EXPH5: variants seen among roughly 807,000 people sequenced by gnomAD.
The protein encoded by EXPH5 is exophilin-5.
Under a neutral mutation model 41.1 loss-of-function variants are expected in EXPH5, and 42 were observed. That is an observed-to-expected ratio of 1.02 (90% CI 0.80 to 1.32). The LOEUF is 1.32. Ranked by LOEUF, EXPH5 falls within the 40% of genes most tolerant of loss-of-function variation. The pLI is 0.00. For missense variants in EXPH5, 2,298 were observed against 2,314.5 expected (o/e 0.99, Z 0.15); for synonymous variants, 798 against 833.5 (o/e 0.96, Z 0.73).
intron 3 of EXPH5, among the ~76,000 whole-genome samples, chr11:108,533,376 C>A (rs2093856579): frequency 6.6e-6 from 1 of 151,998 alleles, no homozygotes; most frequent in African/African-American, 2.4e-5. Flanking sequence ...GCTAATTTTT[C>A]TAATTTTTAG....
In EXPH5 at chr11:108,511,650, G is replaced by A; in HGVS notation, c.3857C>T (p.Thr1286Ile). 6.2e-7 allele frequency: 1 copy of A among 1,608,096 alleles called. No homozygotes were observed. Among genetic ancestry groups the A allele is most frequent in the Non-Finnish European group, 8.5e-7 (1 of 1,178,412 alleles). The change falls in exon 6 of 6, where the codon ACT becomes ATT. Residue 1286 changes from threonine to isoleucine, a missense_variant. By Grantham distance (89) the Thr-to-Ile change is moderately conservative (BLOSUM62 -1). Coordinates refer to ENST00000265843, the MANE Select transcript of EXPH5 (RefSeq NM_015065.3). ...NLLIESPQVETETFPNALEKD... is the reference protein window; with the variant it reads ...NLLIESPQVEIETFPNALEKD... ...TTCTAAAGCGTTAGGAAATGTTTCA[G>A]TCTCCACTTGAGGTGATTCTATAAG...
intron 1 of EXPH5, among the ~76,000 whole-genome samples, chr11:108,587,907 CAAG>C (rs2094118169): frequency 6.6e-6 from 1 of 152,102 alleles, no homozygotes; most frequent in Admixed American, 6.5e-5. Context: ...TGCCAGCCAC[CAAG>C]CCTGGCTAAT....
In EXPH5 at chr11:108,588,477, A is replaced by G. The variant is rs184588152; in HGVS notation, c.119+4941T>C. 3.9e-5 allele frequency among the ~76,000 whole-genome samples: 6 copies of G among 152,332 alleles called. No individual in the cohort carries two copies. The East Asian group carries it at 1.2e-3, about 29-fold the overall frequency. On this transcript the variant is annotated intron_variant, in intron 1 of 5. Transcript: ENST00000265843. ...AGGCAGCACAGCACAGTGATTATGT[A>G]CAGATGGAGTTCCCAAATCGGACAC...
intron 3 of EXPH5, among the ~76,000 whole-genome samples, chr11:108,536,188 G>A (rs2093878411): frequency 6.6e-6 from 1 of 152,074 alleles, no homozygotes; most frequent in South Asian, 2.1e-4. Context: ...TTTACAAATA[G>A]GATTAAAATC....
At chr11:108,575,587 G>A (rs1323602706) in intron 1 of EXPH5, among the ~76,000 whole-genome samples, 1 of 152,190 alleles carries the variant, frequency 6.6e-6, no homozygotes, top group African/African-American at 2.4e-5. Context: ...CAAAAGTTAT[G>A]TTGACCCTGA....
At chr11:108,522,751 C>G (rs1271014669) in intron 4 of EXPH5, among the ~76,000 whole-genome samples, 1 of 152,178 alleles carries the variant, frequency 6.6e-6, no homozygotes, top group Non-Finnish European at 1.5e-5. Context: ...GTTTTGGACT[C>G]AGAAGCCCCT....
chr11:108,562,358 C>T (rs113805984), intron 1 of EXPH5, among the ~76,000 whole-genome samples: 9 of 144,232 alleles, frequency 6.2e-5, no homozygotes, highest in South Asian at 4.4e-4. Context: ...TTTGGGAGGT[C>T]GAGGTGGTGG....
At position 108,593,571 on chromosome 11, in the gene EXPH5, T is replaced by A. The variant is rs1328596827; in HGVS notation, c.-35A>T. 6.2e-7 allele frequency: 1 copy of A among 1,613,860 alleles called. No homozygotes were observed. Among genetic ancestry groups the A allele is most frequent in the Non-Finnish European group, 8.5e-7 (1 of 1,179,910 alleles). Reference sequence around the variant, plus strand: ...TGTGTGTGAGTTACACTTAAGCTCCTTGGCGCCTCCTGTTAGGAAGGCATT... The same window carrying A: ...TGTGTGTGAGTTACACTTAAGCTCCATGGCGCCTCCTGTTAGGAAGGCATT... On this transcript the variant is annotated 5_prime_UTR_variant, in exon 1 of 6. It adds an upstream start codon to the 5' untranslated region. Transcript: ENST00000265843.
At chr11:108,597,797 T>C (rs573301291), upstream of EXPH5, among the ~76,000 whole-genome samples, 20 of 152,208 alleles carry the variant, frequency 1.3e-4, 1 homozygote, top group South Asian at 4.1e-3. Flanking sequence ...TAGATGATAA[T>C]TATCTACTTA....
intron 1 of EXPH5, among the ~76,000 whole-genome samples, chr11:108,554,911 T>G (rs1194892828): frequency 6.6e-6 from 1 of 152,014 alleles, no homozygotes; most frequent in African/African-American, 2.4e-5. Flanking sequence ...GGTGACAGAG[T>G]GAGACCCTGT....
chr11:108,568,601 C>T (rs149894579), intron 1 of EXPH5, among the ~76,000 whole-genome samples: 354 of 152,252 alleles, frequency 2.3e-3, no homozygotes, highest in Admixed American at 6.2e-3. Context: ...TTAAATATTT[C>T]AAAGTTGATG....
At chr11:108,545,274 C>T (rs1054306428) in intron 1 of EXPH5, among the ~76,000 whole-genome samples, 2 of 152,034 alleles carry the variant, frequency 1.3e-5, no homozygotes, top group Admixed American at 6.6e-5. Flanking sequence ...GTTAGCCAGG[C>T]GTGGTTGCTT....
rs780333058 is a variant in EXPH5, at chr11:108,514,231, G to A, written c.1276C>T (p.Arg426Cys). Residue 426 changes from arginine (R) to cysteine (C), a missense_variant, in exon 6 of 6, where the codon CGT (arginine) becomes TGT (cysteine). Transcript: ENST00000265843. Reference sequence around the variant, plus strand: ...TCCATGGGAGCATTTAAACTAACACGTTGGTAAACATTCTGTGAATGGTAC... The same window carrying A: ...TCCATGGGAGCATTTAAACTAACACATTGGTAAACATTCTGTGAATGGTAC... Reference protein sequence around the residue: ...ESYHSQNVYQRVSLNAPMENA... With the variant: ...ESYHSQNVYQCVSLNAPMENA... The A allele has an allele frequency of 1.7e-5, 28 of 1,614,080 alleles. No homozygotes were observed. Among genetic ancestry groups the A allele is most frequent in the African/African-American group, 5.3e-5 (4 of 74,928 alleles).
chr11:108,511,724 G>T lies in EXPH5; in HGVS notation c.3783C>A (p.Ser1261Arg). Residue 1261 changes from serine (S) to arginine (R), a missense_variant, in exon 6 of 6, where the codon AGC (serine) becomes AGA (arginine). By Grantham distance (110) the Ser-to-Arg change is moderately radical. Transcript: ENST00000265843. Reference protein sequence around the residue: ...SIYYTLPRKPSKKFCNLLQQY... With the variant: ...SIYYTLPRKPRKKFCNLLQQY... The stretch of plus-strand genomic sequence containing the variant: ...GTTGAAGGAGGTTACAGAATTTTTT[G>T]CTGGGTTTCCTCGGTAGAGTGTAAT... 6.2e-7 allele frequency: 1 copy of T among 1,607,348 alleles called. No individual in the cohort carries two copies. Among genetic ancestry groups the T allele is most frequent in the Middle Eastern group, 1.7e-4 (1 of 6,002 alleles).
chr11:108,606,985 G>C, the EXPH5 span, among the ~76,000 whole-genome samples: 3 of 152,024 alleles, frequency 2.0e-5, no homozygotes, highest in Middle Eastern at 3.2e-3. Context: ...ATCAAACCAA[G>C]ACTCAAGACA....
chr11:108,603,051 G>T, the EXPH5 span, among the ~76,000 whole-genome samples: 1 of 152,082 alleles, frequency 6.6e-6, no homozygotes. Context: ...CATTTCCCCT[G>T]CTTGCACTTC....
chr11:108,571,023 G>T lies in EXPH5; in HGVS notation c.119+22395C>A, dbSNP rs541804537. 2.6e-5 allele frequency among the ~76,000 whole-genome samples: 4 copies of T among 152,188 alleles called. No homozygotes were observed. The East Asian group carries it at 7.7e-4, about 29-fold the overall frequency. On this transcript the variant is annotated intron_variant, in intron 1 of 5. Coordinates refer to ENST00000265843, the MANE Select transcript of EXPH5 (RefSeq NM_015065.3). ...AAGGCTCTGGAAGGCCCAGGACAAG[G>T]TGTTATAAGCTGACACATGGGGGAA...
intron 4 of EXPH5, among the ~76,000 whole-genome samples, chr11:108,523,228 A>G (rs2093776628): frequency 6.6e-6 from 1 of 152,116 alleles, no homozygotes; most frequent in Non-Finnish European, 1.5e-5. Flanking sequence ...AATATACTTA[A>G]AAATATCCTC....
intron 3 of EXPH5, chr11:108,538,297 A>G: frequency 2.1e-6 from 2 of 974,386 alleles, no homozygotes; most frequent in Non-Finnish European, 2.4e-6. Flanking sequence ...CTTTGAAACC[A>G]GGAAGACATG....
Sources: gnomAD v4.1 joint callset for allele counts (sites outside exome capture counted in the v4.1 genomes callset) on GRCh38, gnomAD v4.1.1 for gene constraint, MANE v1.5 for transcripts, NCBI Gene and HGNC (gene_info 2026-07-23, HGNC 2026-07-21) for gene names.